The following MAP1B variants were observed in gnomAD, a reference collection of about 807,000 sequenced individuals.
The protein encoded by MAP1B is microtubule-associated protein 1B.
A neutral mutation model predicts 176.1 loss-of-function variants in MAP1B; 12 were observed. That is an observed-to-expected ratio of 0.07 (90% CI 0.04 to 0.11). The LOEUF is 0.11. MAP1B is among the 10% of genes least tolerant of loss of function. The probability of loss-of-function intolerance (pLI) is 1.00; values close to 1 mark genes in which losing one functional copy is unlikely to be tolerated. For synonymous variants in MAP1B, 1,044 were observed against 1,135.0 expected (o/e 0.92, Z 1.61); for missense variants, 2,523 against 2,990.5 (o/e 0.84, Z 3.65).
In MAP1B at chr5:72,186,815, T is replaced by G; in HGVS notation, c.510+61T>G. On this transcript the variant is annotated intron_variant, in intron 4 of 6. Transcript: ENST00000296755. This position sits in a 1 kb window ranked among gnomAD's most constrained non-coding sequence, Gnocchi z 4.3. Reference sequence around the variant, plus strand: ...GGCTTGGTTGCCTTAGGTTCCTCTTTGAGAGCACTGGGGGAGACAAAAGAA... The same window carrying G: ...GGCTTGGTTGCCTTAGGTTCCTCTTGGAGAGCACTGGGGGAGACAAAAGAA... 6.3e-7 allele frequency: 1 copy of G among 1,591,072 alleles called. No homozygotes were observed. Among genetic ancestry groups the G allele is most frequent in the Non-Finnish European group, 8.6e-7 (1 of 1,164,536 alleles).
chr5:72,119,307 C>T (rs1418012666), intron 2 of MAP1B, among the ~76,000 whole-genome samples: 1 of 152,226 alleles, frequency 6.6e-6, no homozygotes, highest in Non-Finnish European at 1.5e-5. Context: ...CTCAACAAAC[C>T]TTTGCTGTGT....
chr5:72,152,448 AT>A (rs1308968888), intron 2 of MAP1B, among the ~76,000 whole-genome samples: 2 of 152,032 alleles, frequency 1.3e-5, no homozygotes, highest in African/African-American at 4.8e-5. Flanking sequence ...TGGTTGTTTT[AT>A]TTTATTTTAT....
At chr5:72,142,912 T>G (rs1474163384) in intron 2 of MAP1B, among the ~76,000 whole-genome samples, 3 of 152,162 alleles carry the variant, frequency 2.0e-5, no homozygotes, top group South Asian at 4.1e-4. Context: ...TTAAGTGATT[T>G]GAAGTCAAGA....
At chr5:72,190,948 C>G (rs1747012691) in intron 4 of MAP1B, among the ~76,000 whole-genome samples, 1 of 152,248 alleles carries the variant, frequency 6.6e-6, no homozygotes, top group African/African-American at 2.4e-5. Flanking sequence ...TTTCTTACAT[C>G]TTCCTTCCTC....
Position 72,186,663 on chromosome 5 carries a change from C to G in MAP1B, c.419C>G (p.Thr140Ser). Residue 140 changes from threonine (T) to serine (S), a missense_variant, in exon 4 of 7, where the codon ACC becomes AGC. By Grantham distance (58) the Thr-to-Ser change is moderately conservative. This residue lies in a region of MAP1B where 307 missense variants were observed against 438.4 expected (regional missense o/e 0.70). Transcript: ENST00000296755. This position sits in a 1 kb window ranked among gnomAD's most constrained non-coding sequence, Gnocchi z 4.3. ...DAARHKLLVL[T>S]GQCFENTGEL... ...GCCCGACACAAGCTGCTCGTGCTGA[C>G]CGGGCAGTGCTTTGAAAATACCGGA... 1 of 1,614,208 alleles carries G rather than the reference C, an allele frequency of 6.2e-7. No homozygotes were observed.
chr5:72,173,677 A>G (rs1042898759), intron 2 of MAP1B, among the ~76,000 whole-genome samples: 4 of 152,224 alleles, frequency 2.6e-5, no homozygotes, highest in African/African-American at 9.6e-5. Context: ...CATATCTCAA[A>G]TGCTGGGATT....
intron 4 of MAP1B, among the ~76,000 whole-genome samples, chr5:72,187,950 C>T (rs1191646028): frequency 1.3e-5 from 2 of 152,194 alleles, no homozygotes; most frequent in South Asian, 2.1e-4. Context: ...AGGATGGGAT[C>T]CCCCAGGCAG....
chr5:72,135,411 C>T (rs1044896551), intron 2 of MAP1B, among the ~76,000 whole-genome samples: 26 of 151,696 alleles, frequency 1.7e-4, no homozygotes, highest in South Asian at 8.3e-4. Flanking sequence ...TTCTTTTTTT[C>T]TCTCTCTCTC....
At chr5:72,161,009 T>C (rs1746315993) in intron 2 of MAP1B, among the ~76,000 whole-genome samples, 1 of 152,218 alleles carries the variant, frequency 6.6e-6, no homozygotes, top group Admixed American at 6.5e-5. Context: ...ATTTACATCA[T>C]ATGACTAGTG....
At chr5:72,180,798 C>A (rs1428936296) in intron 2 of MAP1B, among the ~76,000 whole-genome samples, 1 of 152,164 alleles carries the variant, frequency 6.6e-6, no homozygotes, top group Non-Finnish European at 1.5e-5. Flanking sequence ...TTAATATTTT[C>A]TGCCTTCCTG....
intron 2 of MAP1B, chr5:72,179,587 A>G: frequency 1.0e-6 from 1 of 984,110 alleles, no homozygotes; most frequent in Non-Finnish European, 1.2e-6. Flanking sequence ...CGGGTATGCC[A>G]GGGGTGGGGG....
At chr5:72,156,208 G>C (rs1746227108) in intron 2 of MAP1B, among the ~76,000 whole-genome samples, 1 of 152,106 alleles carries the variant, frequency 6.6e-6, no homozygotes, top group South Asian at 2.1e-4. Context: ...GGCTGCCACT[G>C]CATGAAGGCA....
chr5:72,183,900 G>A, intron 3 of MAP1B, 75 bp downstream of exon 3: 1 of 1,226,476 alleles, frequency 8.2e-7, no homozygotes, highest in Non-Finnish European at 1.2e-6. Flanking sequence ...TAGAAGGGCT[G>A]GGCAAATGGG....
In MAP1B at chr5:72,199,516, C is replaced by A. The variant is rs775385905; in HGVS notation, c.6161C>A (p.Ala2054Glu). Residue 2054 changes from alanine to glutamate, a missense_variant, in exon 5 of 7, where the codon GCA (alanine) becomes GAA (glutamate). Ala to Glu is a moderately radical substitution (Grantham distance 107, BLOSUM62 -1). Coordinates refer to ENST00000296755, the MANE Select transcript of MAP1B (RefSeq NM_005909.5). The surrounding 1 kb of genome is among the most constrained non-coding windows in gnomAD (Gnocchi z 4.2). ...GAGAAAATCACTAGAACCCCTCAGGCATCCACATATTCCTACGAGACTTCA... is the reference window on the plus strand; with the variant it reads ...GAGAAAATCACTAGAACCCCTCAGGAATCCACATATTCCTACGAGACTTCA... ...TAEKITRTPQ[A>E]STYSYETSDL... is the part of the protein sequence containing the mutation. 1 of 1,614,194 alleles carries A rather than the reference C, an allele frequency of 6.2e-7. No individual in the cohort carries two copies. Among genetic ancestry groups the A allele is most frequent in the Non-Finnish European group, 8.5e-7 (1 of 1,180,040 alleles).
rs1313677214 is a variant in MAP1B, at chr5:72,196,282, A to C, written c.2927A>C (p.Glu976Ala). ...ASKHSPTEDE[E>A]SAKAEADAYI... ...AAGCACAGCCCCACTGAGGATGAGG[A>C]AAGTGCCAAGGCGGAGGCTGATGCA... Residue 976 changes from glutamate (E) to alanine (A), a missense_variant, in exon 5 of 7, where the codon GAA (glutamate) becomes GCA (alanine). Physicochemically the swap from Glu to Ala is moderately radical, Grantham distance 107. Around this residue, in one of 4 missense-constraint regions of MAP1B, gnomAD observed 1,925 missense variants for 2,126.0 expected, o/e 0.91. Coordinates refer to ENST00000296755, the MANE Select transcript of MAP1B (RefSeq NM_005909.5). This position sits in a 1 kb window ranked among gnomAD's most constrained non-coding sequence, Gnocchi z 5.3. 1 of 1,614,078 alleles carries C rather than the reference A, an allele frequency of 6.2e-7. No homozygotes were observed.
At chr5:72,117,515 A>C (rs1275607365) in intron 2 of MAP1B, among the ~76,000 whole-genome samples, 2 of 152,222 alleles carry the variant, frequency 1.3e-5, no homozygotes, top group African/African-American at 4.8e-5. Flanking sequence ...AAAGGCTGCA[A>C]GCATTGCTGA....
chr5:72,159,368 G>A (rs1031495955), intron 2 of MAP1B, among the ~76,000 whole-genome samples: 2 of 152,162 alleles, frequency 1.3e-5, no homozygotes, highest in South Asian at 4.1e-4. Flanking sequence ...AGGAGTCCTT[G>A]GTGATTCTTT....
chr5:72,191,325 A>G (rs948737780), intron 4 of MAP1B, among the ~76,000 whole-genome samples: 1 of 152,254 alleles, frequency 6.6e-6, no homozygotes, highest in African/African-American at 2.4e-5. Context: ...CTCAGTTTCC[A>G]AGTCTAAGAA....
intron 2 of MAP1B, among the ~76,000 whole-genome samples, chr5:72,161,829 C>T (rs550582175): frequency 1.3e-5 from 2 of 151,764 alleles, no homozygotes; most frequent in East Asian, 1.9e-4. Flanking sequence ...TAGTAGTGGG[C>T]GTCTGTAATC....
Sources: gnomAD v4.1 joint callset for allele counts (sites outside exome capture counted in the v4.1 genomes callset) on GRCh38, gnomAD v4.1.1 for gene constraint, gnomAD v4.1.1 regional missense constraint, Gnocchi (gnomAD v3.1) non-coding constraint, MANE v1.5 for transcripts, NCBI Gene and HGNC (gene_info 2026-07-23, HGNC 2026-07-21) for gene names.